SNRK: variants seen among roughly 807,000 people sequenced by gnomAD.
SNRK encodes SNF related kinase, also known as SNF-related serine/threonine-protein kinase.
In SNRK, 3 loss-of-function variants were observed where a neutral mutation model predicts 48.2. That is an observed-to-expected ratio of 0.06 (90% CI 0.03 to 0.16). The LOEUF (loss-of-function observed/expected upper bound fraction) is 0.16, where lower values mean the gene tolerates loss of function less well. Among genes scored for constraint, SNRK ranks in the 10% least tolerant of loss-of-function variants. The pLI, the probability that SNRK is intolerant of heterozygous loss-of-function variation, is 1.00. For synonymous variants in SNRK, 376 were observed against 366.1 expected (o/e 1.03, Z -0.31); for missense variants, 627 against 976.0 (o/e 0.64, Z 4.76).
At chr3:43,326,742 G>A (rs1310601633) in intron 3 of SNRK, among the ~76,000 whole-genome samples, 1 of 152,078 alleles carries the variant, frequency 6.6e-6, no homozygotes, top group Non-Finnish European at 1.5e-5. Context: ...GGTAGATGGG[G>A]AGAAATAAAC....
rs1172772645 is a variant in SNRK, at chr3:43,350,712, A to G, written c.*2155A>G. ...TCACATAAAAGGGAGGGAGCGAAAA[A>G]CCATTACATTAAGATAATATTGGAC... On this transcript the variant is annotated 3_prime_UTR_variant, in exon 7 of 7. Transcript: ENST00000296088. 4 of 152,572 alleles carry G rather than the reference A, an allele frequency of 2.6e-5. No individual in the cohort carries two copies. Among genetic ancestry groups the G allele is most frequent in the Non-Finnish European group, 4.4e-5 (3 of 68,022 alleles). The allele number at this position is 152,572 out of a possible 1,614,324, so 9.5% of individuals were successfully genotyped here.
At position 43,347,484 on chromosome 3, in the gene SNRK, G is replaced by A; in HGVS notation, c.1225G>A (p.Asp409Asn). ...TGGCCACAGGAGCAAAGGCCTGTGT[G>A]ACTCAGCTAAGAAAGATGACCTCCC... ...LNGHRSKGLCDSAKKDDLPEL... is the reference protein window; with the variant it reads ...LNGHRSKGLCNSAKKDDLPEL... Residue 409 changes from aspartate to asparagine, a missense_variant, in exon 7 of 7, where the codon GAC becomes AAC. By Grantham distance (23) the Asp-to-Asn change is conservative (BLOSUM62 1). Transcript: ENST00000296088. The surrounding 1 kb of genome is among the most constrained non-coding windows in gnomAD (Gnocchi z 5.4). 6.2e-7 allele frequency: 1 copy of A among 1,613,926 alleles called. No homozygotes were observed.
intron 3 of SNRK, among the ~76,000 whole-genome samples, chr3:43,325,347 A>T (rs1017939303): frequency 6.6e-5 from 10 of 151,888 alleles, no homozygotes; most frequent in Non-Finnish European, 1.5e-4. Flanking sequence ...TTGTATTTTT[A>T]GTAGAGACAG....
intron 3 of SNRK, among the ~76,000 whole-genome samples, chr3:43,309,372 C>A (rs189911569): frequency 1.4e-4 from 22 of 152,158 alleles, no homozygotes; most frequent in African/African-American, 4.8e-4. Context: ...TTCTACAGTT[C>A]TACTGTAGGT....
chr3:43,318,330 TTTTC>T (rs1199729559), intron 3 of SNRK, among the ~76,000 whole-genome samples: 1 of 151,570 alleles, frequency 6.6e-6, no homozygotes, highest in Non-Finnish European at 1.5e-5. Context: ...AAGTAGGGAT[TTTTC>T]TTTCTTTTTT....
chr3:43,315,426 T>C lies in SNRK; in HGVS notation c.589+11634T>C, dbSNP rs17075547. On this transcript the variant is annotated intron_variant, in intron 3 of 6. Transcript: ENST00000296088. ...TCATTGTTTATTAGAAACAAATGTT[T>C]TAGTAACGTTTCAGTTTTTCAGAGG... 8.3e-3 allele frequency among the ~76,000 whole-genome samples: 1,268 copies of C among 152,316 alleles called. 17 individuals carry two copies. Among genetic ancestry groups the C allele is most frequent in the African/African-American group, 0.029 (1,215 of 41,564 alleles).
At chr3:43,309,825 G>C (rs1258988171) in intron 3 of SNRK, among the ~76,000 whole-genome samples, 2 of 151,822 alleles carry the variant, frequency 1.3e-5, no homozygotes, top group South Asian at 2.1e-4. Context: ...TATGTTGCCT[G>C]GGCTGGTCTT....
In SNRK at chr3:43,350,231, T is replaced by C. The variant is rs1005565917; in HGVS notation, c.*1674T>C. ...ATAATTTGAAAGCTATGAGAATAGATGTGTGGGTGAAGCCATAGAACATAT... is the reference window on the plus strand; with the variant it reads ...ATAATTTGAAAGCTATGAGAATAGACGTGTGGGTGAAGCCATAGAACATAT... On this transcript the variant is annotated 3_prime_UTR_variant, in exon 7 of 7. Transcript: ENST00000296088. 2.0e-4 allele frequency: 31 copies of C among 152,666 alleles called. No homozygotes were observed. Among genetic ancestry groups the C allele is most frequent in the Non-Finnish European group, 4.6e-4 (31 of 68,038 alleles). 9.5% of individuals were successfully genotyped at this position (152,666 alleles called of 1,614,324 possible). A position where few individuals can be genotyped will look rare whatever the true frequency, so the allele number is the denominator to read the frequency against.
intron 2 of SNRK, among the ~76,000 whole-genome samples, chr3:43,302,513 G>A (rs1363453724): frequency 2.0e-5 from 3 of 152,158 alleles, no homozygotes; most frequent in Non-Finnish European, 4.4e-5. Flanking sequence ...GGTTAGAGGA[G>A]ATGGTGTACC....
intron 3 of SNRK, among the ~76,000 whole-genome samples, chr3:43,304,044 T>C (rs769107897): frequency 6.6e-6 from 1 of 152,168 alleles, no homozygotes; most frequent in Non-Finnish European, 1.5e-5. Flanking sequence ...AGTAATCTCT[T>C]TTCTGTTCAT....
intron 3 of SNRK, among the ~76,000 whole-genome samples, chr3:43,310,476 C>T (rs955688959): frequency 7.2e-5 from 11 of 152,048 alleles, no homozygotes; most frequent in Non-Finnish European, 1.3e-4. Flanking sequence ...TTGTGTTTGT[C>T]TGTAATAAAT....
At chr3:43,310,700 AC>A (rs1377662710) in intron 3 of SNRK, among the ~76,000 whole-genome samples, 1 of 152,234 alleles carries the variant, frequency 6.6e-6, no homozygotes, top group Non-Finnish European at 1.5e-5. Context: ...CTTTGAAGAT[AC>A]GTTTTTCACA....
chr3:43,297,078 A>G (rs1465469341), intron 1 of SNRK, among the ~76,000 whole-genome samples: 1 of 152,238 alleles, frequency 6.6e-6, no homozygotes, highest in East Asian at 1.9e-4. Flanking sequence ...AGAATGGCCT[A>G]TCTAGTGGTT....
chr3:43,316,702 C>A (rs868834644), intron 3 of SNRK, among the ~76,000 whole-genome samples: 35 of 151,636 alleles, frequency 2.3e-4, no homozygotes, highest in African/African-American at 8.0e-4. Context: ...TGTTTTAGAC[C>A]CCTTGGAAAT....
chr3:43,288,844 T>G (rs1201982110), intron 1 of SNRK, among the ~76,000 whole-genome samples: 1 of 152,230 alleles, frequency 6.6e-6, no homozygotes, highest in Non-Finnish European at 1.5e-5. Context: ...TAAGATGCTT[T>G]AGTAAGAAAA....
intron 6 of SNRK, among the ~76,000 whole-genome samples, chr3:43,345,052 A>G (rs537213710): frequency 6.6e-6 from 1 of 152,360 alleles, no homozygotes; most frequent in African/African-American, 2.4e-5. Flanking sequence ...TGAGCCCAGG[A>G]GTTCATGACT....
chr3:43,336,748 T>TGTTTTA (rs2091192235), intron 4 of SNRK, among the ~76,000 whole-genome samples: 1 of 151,712 alleles, frequency 6.6e-6, no homozygotes, highest in African/African-American at 2.4e-5. Flanking sequence ...TTTGTTTGTT[T>TGTTTTA]GTTTTGGTTT....
rs112865415 is a variant in SNRK, at chr3:43,290,457, C to T, written c.-169+3782C>T. ...AATGGCATCACCAGCTACCACTCTC[C>T]GCTAGAGTCATTCTGGATTTCTCCC... On this transcript the variant is annotated intron_variant, in intron 1 of 6. Transcript: ENST00000296088. Among the ~76,000 whole-genome samples, 1,280 of 152,286 alleles carry T rather than the reference C, an allele frequency of 8.4e-3. 15 individuals carry two copies. Among genetic ancestry groups the T allele is most frequent in the Middle Eastern group, 0.027 (8 of 294 alleles).
At chr3:43,323,703 A>G (rs2091072649) in intron 3 of SNRK, among the ~76,000 whole-genome samples, 1 of 152,092 alleles carries the variant, frequency 6.6e-6, no homozygotes, top group African/African-American at 2.4e-5. Flanking sequence ...AAACTGAAAT[A>G]AATGGTGGAA....
Sources: allele counts gnomAD v4.1 joint callset (sites outside exome capture counted in the v4.1 genomes callset), GRCh38; gene constraint gnomAD v4.1.1; non-coding constraint Gnocchi (gnomAD v3.1); transcripts MANE v1.5; gene names NCBI Gene and HGNC (gene_info 2026-07-23, HGNC 2026-07-21).